The following MAML2 variants were observed in gnomAD, a reference collection of about 807,000 sequenced individuals.
The protein encoded by MAML2 is mastermind like transcriptional coactivator 2, also known as mastermind-like protein 2.
In MAML2, 22 loss-of-function variants were observed where a neutral mutation model predicts 96.1. The observed-to-expected ratio is 0.23, with a 90% confidence interval of 0.16 to 0.33. The LOEUF (loss-of-function observed/expected upper bound fraction) is 0.33. MAML2 is among the 10% of genes least tolerant of loss of function. MAML2 has a pLI of 1.00. For missense variants in MAML2, 1,367 were observed against 1,392.4 expected, an observed-to-expected ratio of 0.98 and a Z score of 0.29; for synonymous variants, 561 against 521.3, an observed-to-expected ratio of 1.08 and a Z score of -1.04.
chr11:95,984,587 T>A (rs1857796883), intron 4 of MAML2, among the ~76,000 whole-genome samples: 1 of 152,154 alleles, frequency 6.6e-6, no homozygotes, highest in Non-Finnish European at 1.5e-5. Flanking sequence ...TGAGCCCAGC[T>A]CCATTCTCAA....
chr11:96,313,523 C>A (rs1863578377), intron 1 of MAML2, among the ~76,000 whole-genome samples: 1 of 152,164 alleles, frequency 6.6e-6, no homozygotes, highest in African/African-American at 2.4e-5. Context: ...CCTCGCCCAG[C>A]CTCCCCAAAA....
chr11:96,254,440 T>C (rs1277259367), intron 1 of MAML2, among the ~76,000 whole-genome samples: 1 of 150,558 alleles, frequency 6.6e-6, no homozygotes, highest in Non-Finnish European at 1.5e-5. Context: ...CTCTTAATAG[T>C]AGGGCTAGTA....
intron 3 of MAML2, among the ~76,000 whole-genome samples, chr11:95,990,410 G>T (rs1490196048): frequency 6.6e-6 from 1 of 151,930 alleles, no homozygotes. Flanking sequence ...ATCCTTTATT[G>T]TCCCTAGGTC....
intron 2 of MAML2, among the ~76,000 whole-genome samples, chr11:96,053,110 T>C (rs1859012657): frequency 1.3e-5 from 2 of 152,234 alleles, no homozygotes; most frequent in South Asian, 2.1e-4. Context: ...AGACAAGGTG[T>C]CTTCCCTTGA....
chr11:96,057,651 A>G (rs766599637), intron 2 of MAML2, among the ~76,000 whole-genome samples: 10 of 152,138 alleles, frequency 6.6e-5, no homozygotes, highest in Non-Finnish European at 1.3e-4. Flanking sequence ...CACTTTCCTT[A>G]TTTTCTAAAT....
intron 1 of MAML2, among the ~76,000 whole-genome samples, chr11:96,161,875 T>C (rs1248289978): frequency 6.6e-6 from 1 of 152,238 alleles, no homozygotes; most frequent in Non-Finnish European, 1.5e-5. Flanking sequence ...TGGCAATAGA[T>C]GCCCTTCATT....
chr11:96,119,797 C>G (rs1860304113), intron 1 of MAML2, among the ~76,000 whole-genome samples: 1 of 152,174 alleles, frequency 6.6e-6, no homozygotes, highest in South Asian at 2.1e-4. Flanking sequence ...AATCACTTAT[C>G]ATGATTTGTA....
chr11:96,109,298 G>A (rs1450667516), intron 1 of MAML2, among the ~76,000 whole-genome samples: 1 of 152,172 alleles, frequency 6.6e-6, no homozygotes, highest in Non-Finnish European at 1.5e-5. Flanking sequence ...TTGACGCCAT[G>A]CAGAGGAACG....
At chr11:96,091,202 T>C (rs1319971149) in intron 2 of MAML2, among the ~76,000 whole-genome samples, 1 of 152,186 alleles carries the variant, frequency 6.6e-6, no homozygotes, top group Non-Finnish European at 1.5e-5. Flanking sequence ...CTTTTAACAT[T>C]TAACTCAGAC....
At position 96,342,185 on chromosome 11, in the gene MAML2, G is replaced by T; in HGVS notation, c.-290C>A. 1 of 476,896 alleles carries T rather than the reference G, an allele frequency of 2.1e-6. No individual in the cohort carries two copies. The highest frequency in any genetic ancestry group is 3.7e-6 in the Non-Finnish European group (1 of 271,140). The allele number at this position is 476,896 out of a possible 1,614,324, so 29.5% of individuals were successfully genotyped here. A position where few individuals can be genotyped will look rare whatever the true frequency, so the allele number is the denominator to read the frequency against. On this transcript the variant is annotated 5_prime_UTR_variant, in exon 1 of 5. Coordinates refer to ENST00000524717, the MANE Select transcript of MAML2 (RefSeq NM_032427.4). Reference sequence around the variant, plus strand: ...GACAGCTCTGGAGAAGTTGGACAGAGTTGGTGGATTTTTTTTCCTCCACCA... The same window carrying T: ...GACAGCTCTGGAGAAGTTGGACAGATTTGGTGGATTTTTTTTCCTCCACCA...
At chr11:96,308,080 T>C (rs1236684532) in intron 1 of MAML2, among the ~76,000 whole-genome samples, 3 of 152,128 alleles carry the variant, frequency 2.0e-5, no homozygotes, top group African/African-American at 7.2e-5. Flanking sequence ...ACTCAGGCCT[T>C]ACACAGTGTT....
At chr11:96,069,350 T>A (rs1305733737) in intron 2 of MAML2, among the ~76,000 whole-genome samples, 2 of 152,120 alleles carry the variant, frequency 1.3e-5, no homozygotes. Context: ...CTATAGTGAC[T>A]ATTTGAAGCA....
intron 1 of MAML2, among the ~76,000 whole-genome samples, chr11:96,283,249 C>T (rs1290264218): frequency 6.6e-6 from 1 of 152,176 alleles, no homozygotes; most frequent in Non-Finnish European, 1.5e-5. Context: ...GCTGTCCACA[C>T]CAAAAATGCA....
intron 1 of MAML2, among the ~76,000 whole-genome samples, chr11:96,112,898 C>T (rs973372544): frequency 6.6e-6 from 1 of 152,218 alleles, no homozygotes; most frequent in African/African-American, 2.4e-5. Flanking sequence ...ACTTGGTCAA[C>T]TGCTGAGAAG....
At position 96,092,066 on chromosome 11, in the gene MAML2, CTGT is replaced by C. The variant is rs1208235627; in HGVS notation, c.1962_1964del (p.Gln665del). The C allele has an allele frequency of 4.5e-5, 70 of 1,551,648 alleles. No homozygotes were observed. The highest frequency in any genetic ancestry group is 9.7e-5 in the African/African-American group (7 of 72,526). ...GCTGCTGCTGCTGCTGCTGTTGTTG[CTGT>C]TGTTGTTGCTGCTGCTGCTGCTGTT... is the stretch of plus-strand genomic sequence containing the variant. On this transcript the variant is annotated inframe_deletion, in exon 2 of 5. Transcript: ENST00000524717. This position sits in a 1 kb window ranked among gnomAD's most constrained non-coding sequence, Gnocchi z 4.1.
intron 1 of MAML2, among the ~76,000 whole-genome samples, chr11:96,112,176 A>G (rs946856914): frequency 6.6e-6 from 1 of 152,262 alleles, no homozygotes; most frequent in Non-Finnish European, 1.5e-5. Flanking sequence ...AGGGCACTCT[A>G]TACATAACAC....
At chr11:96,316,989 T>C (rs374070111) in intron 1 of MAML2, among the ~76,000 whole-genome samples, 1 of 152,144 alleles carries the variant, frequency 6.6e-6, no homozygotes, top group African/African-American at 2.4e-5. Context: ...GGTGGACACT[T>C]TATTTAAGAG....
At chr11:96,298,066 C>A (rs931261190) in intron 1 of MAML2, among the ~76,000 whole-genome samples, 3 of 152,198 alleles carry the variant, frequency 2.0e-5, no homozygotes, top group Non-Finnish European at 4.4e-5. Context: ...TCTCCCACTT[C>A]ATTCCCCCCA....
intron 1 of MAML2, among the ~76,000 whole-genome samples, chr11:96,210,039 A>T (rs1371413280): frequency 6.6e-6 from 1 of 152,214 alleles, no homozygotes; most frequent in Non-Finnish European, 1.5e-5. Context: ...AAAGATTCTC[A>T]GTTAATTTTG....
Sources: gnomAD v4.1 joint callset for allele counts (sites outside exome capture counted in the v4.1 genomes callset) on GRCh38, gnomAD v4.1.1 for gene constraint, Gnocchi (gnomAD v3.1) non-coding constraint, MANE v1.5 for transcripts, NCBI Gene and HGNC (gene_info 2026-07-23, HGNC 2026-07-21) for gene names.